EHD4: variants seen among roughly 807,000 people sequenced by gnomAD.
The protein encoded by EHD4 is EH domain-containing protein 4.
A neutral mutation model predicts 51.0 loss-of-function variants in EHD4; 37 were observed. That is an observed-to-expected ratio of 0.73 (90% CI 0.56 to 0.95). The LOEUF (loss-of-function observed/expected upper bound fraction) is 0.95. Ranked by LOEUF, EHD4 falls within the 40% of genes least tolerant of loss-of-function variation. The pLI is 0.00. For synonymous variants in EHD4, 297 were observed against 317.3 expected (o/e 0.94, Z 0.68); for missense variants, 632 against 733.1 (o/e 0.86, Z 1.59).
Position 41,965,810 on chromosome 15 carries a change from C to T in EHD4, c.236+6449G>A, listed in dbSNP as rs1215846228. 4.6e-5 allele frequency among the ~76,000 whole-genome samples: 7 copies of T among 152,164 alleles called. No homozygotes were observed. The East Asian group carries it at 1.2e-3, about 25-fold the overall frequency. On this transcript the variant is annotated intron_variant, in intron 1 of 5. Coordinates refer to ENST00000220325, the MANE Select transcript of EHD4 (RefSeq NM_139265.4). ...CAGGATGGAAAAAGCCTTCCCCCTCCTACATTTCTCCAAATACTCTGTTGC... is the reference window on the plus strand; with the variant it reads ...CAGGATGGAAAAAGCCTTCCCCCTCTTACATTTCTCCAAATACTCTGTTGC...
Position 41,900,823 on chromosome 15 carries a change from A to T in EHD4, c.1448T>A (p.Val483Asp). The T allele has an allele frequency of 1.2e-6, 2 of 1,614,116 alleles. No homozygotes were observed. Among genetic ancestry groups the T allele is most frequent in the South Asian group, 2.2e-5 (2 of 91,086 alleles). Residue 483 changes from valine (V) to aspartate (D), a missense_variant, in exon 6 of 6, where the codon GTC (valine) becomes GAC (aspartate). Val to Asp is a radical substitution (Grantham distance 152, BLOSUM62 -3). Transcript: ENST00000220325. This position sits in a 1 kb window ranked among gnomAD's most constrained non-coding sequence, Gnocchi z 4.8. ...EMVTSKLPNS[V>D]LGKIWKLADC... ...GGCCAGCTTCCAGATCTTGCCCAGG[A>T]CGCTGTTGGGCAGCTTGGAGGTCAC...
rs950019768 is a variant in EHD4, at chr15:41,948,253, C to CA, written c.414-5090dup. On this transcript the variant is annotated intron_variant, in intron 2 of 5. Transcript: ENST00000220325. ...AGGTGATGGAGCAAGACTCCGCCTC[C>CA]AAAAAAAAAACCACGATGGTTTAGT... Among the ~76,000 whole-genome samples the CA allele has an allele frequency of 5.0e-4, 72 of 144,954 alleles. 1 individual carries two copies. Among genetic ancestry groups the CA allele is most frequent in the Admixed American group, 5.5e-4 (8 of 14,546 alleles).
intron 3 of EHD4, 45 bp downstream of exon 3, chr15:41,943,022 G>A: frequency 6.9e-7 from 1 of 1,452,188 alleles, no homozygotes; most frequent in Non-Finnish European, 9.5e-7. Flanking sequence ...AGCAGAGAGG[G>A]CCTCAGCCAG....
chr15:41,937,199 C>G (rs527760980), intron 3 of EHD4, among the ~76,000 whole-genome samples: 30 of 152,328 alleles, frequency 2.0e-4, no homozygotes, highest in African/African-American at 6.5e-4. Flanking sequence ...AGGACAAATT[C>G]GAGTCTCCTG....
rs189080128 is a variant in EHD4 at position 41,924,254 on chromosome 15, C to G, written c.512-4632G>C. ...CATTAGATTATATATTCTCTAACCA[C>G]AGGAACTGTGTCTTCATCATGGTCA... On this transcript the variant is annotated intron_variant, in intron 3 of 5. Transcript: ENST00000220325. Among the ~76,000 whole-genome samples, 322 of 152,318 alleles carry G rather than the reference C, an allele frequency of 2.1e-3. 4 individuals carry two copies. The highest frequency in any genetic ancestry group is 3.4e-3 in the Non-Finnish European group (230 of 68,028).
At chr15:41,904,758 A>T (rs887330704) in intron 5 of EHD4, among the ~76,000 whole-genome samples, 1 of 152,228 alleles carries the variant, frequency 6.6e-6, no homozygotes, top group African/African-American at 2.4e-5. Context: ...TTCTCCTTCC[A>T]GTCAGAGGAG....
intron 3 of EHD4, chr15:41,926,074 T>C (rs2067658867): frequency 6.6e-6 from 1 of 152,242 alleles, no homozygotes. Flanking sequence ...TGTGTGTCTA[T>C]GGCCAGGTGC....
intron 1 of EHD4, among the ~76,000 whole-genome samples, chr15:41,964,270 C>T (rs1051343163): frequency 7.3e-5 from 11 of 151,254 alleles, no homozygotes; most frequent in Admixed American, 4.6e-4. Flanking sequence ...ATAAGTTCAA[C>T]GTCACTAGTA....
intron 1 of EHD4, among the ~76,000 whole-genome samples, chr15:41,956,344 C>G (rs1398826995): frequency 6.6e-6 from 1 of 152,170 alleles, no homozygotes; most frequent in Non-Finnish European, 1.5e-5. Context: ...GATTCCGGGC[C>G]AGGGAGGTGA....
chr15:41,917,784 C>A (rs776549964), intron 4 of EHD4, among the ~76,000 whole-genome samples: 6 of 152,182 alleles, frequency 3.9e-5, no homozygotes, highest in Non-Finnish European at 8.8e-5. Flanking sequence ...ATCTGCCTTG[C>A]AGAACTGGAG....
At chr15:41,919,953 G>A (rs1261107481) in intron 3 of EHD4, among the ~76,000 whole-genome samples, 1 of 152,140 alleles carries the variant, frequency 6.6e-6, no homozygotes, top group Non-Finnish European at 1.5e-5. Context: ...TGGCAGAATT[G>A]ATCAATGGTT....
At chr15:41,932,764 G>C (rs957779264) in intron 3 of EHD4, among the ~76,000 whole-genome samples, 2 of 152,156 alleles carry the variant, frequency 1.3e-5, no homozygotes, top group African/African-American at 4.8e-5. Context: ...TAGCTCTACG[G>C]TCAGGCCCAA....
chr15:41,933,542 G>A (rs1012921106), intron 3 of EHD4, among the ~76,000 whole-genome samples: 9 of 152,120 alleles, frequency 5.9e-5, no homozygotes, highest in African/African-American at 1.7e-4. Context: ...AGGGAGAAAC[G>A]TGCCCGGCCA....
chr15:41,903,618 T>C (rs879605193), intron 5 of EHD4, among the ~76,000 whole-genome samples: 17 of 152,168 alleles, frequency 1.1e-4, no homozygotes, highest in Non-Finnish European at 2.1e-4. Context: ...CATTCTTAAT[T>C]AACCCTGTCC....
chr15:41,959,197 C>T (rs531356800), intron 1 of EHD4, among the ~76,000 whole-genome samples: 3 of 151,862 alleles, frequency 2.0e-5, no homozygotes, highest in Non-Finnish European at 1.5e-5. Context: ...TCGAGACCAT[C>T]CTGGCTAACA....
intron 1 of EHD4, among the ~76,000 whole-genome samples, chr15:41,961,738 C>T (rs1165998491): frequency 6.6e-6 from 1 of 152,118 alleles, no homozygotes; most frequent in Non-Finnish European, 1.5e-5. Flanking sequence ...TAAGAAGCCA[C>T]CAGCTGACAT....
At chr15:41,955,341 A>G (rs2067880735) in intron 1 of EHD4, among the ~76,000 whole-genome samples, 1 of 152,162 alleles carries the variant, frequency 6.6e-6, no homozygotes, top group Non-Finnish European at 1.5e-5. Flanking sequence ...GCAAGCATTC[A>G]GACTCCAGAA....
At chr15:41,916,336 G>C (rs967539913) in intron 4 of EHD4, among the ~76,000 whole-genome samples, 2 of 152,212 alleles carry the variant, frequency 1.3e-5, no homozygotes, top group Non-Finnish European at 2.9e-5. Context: ...ACCGAGGTTT[G>C]AACGTATACT....
At chr15:41,908,911 T>G (rs945506400) in intron 5 of EHD4, among the ~76,000 whole-genome samples, 82 of 152,174 alleles carry the variant, frequency 5.4e-4, no homozygotes, top group Non-Finnish European at 4.0e-4. Flanking sequence ...GGCATCTGAG[T>G]TTGTGGCTCC....
Sources: gnomAD v4.1 joint callset for allele counts (sites outside exome capture counted in the v4.1 genomes callset) on GRCh38, gnomAD v4.1.1 for gene constraint, Gnocchi (gnomAD v3.1) non-coding constraint, MANE v1.5 for transcripts, NCBI Gene and HGNC (gene_info 2026-07-23, HGNC 2026-07-21) for gene names.